KCNJ6: variants seen among roughly 807,000 people sequenced by gnomAD.
KCNJ6 encodes potassium inwardly rectifying channel subfamily J member 6.
In KCNJ6, 9 loss-of-function variants were observed where a neutral mutation model predicts 34.2. That is an observed-to-expected ratio of 0.26 (90% CI 0.16 to 0.46). The LOEUF (loss-of-function observed/expected upper bound fraction) is 0.46. KCNJ6 is among the 20% of genes least tolerant of loss of function. The pLI is 1.00. For missense variants in KCNJ6, 236 were observed against 531.3 expected (o/e 0.44, Z 5.46); for synonymous variants, 196 against 207.1 (o/e 0.95, Z 0.46).
intron 2 of KCNJ6, among the ~76,000 whole-genome samples, chr21:37,773,561 G>A (rs187358188): frequency 6.6e-6 from 1 of 152,164 alleles, no homozygotes; most frequent in East Asian, 1.9e-4. Context: ...CCATGTTAAA[G>A]TGGGTCTTTT....
intron 2 of KCNJ6, chr21:37,716,963 G>C (rs572727506): frequency 6.5e-6 from 1 of 154,434 alleles, no homozygotes; most frequent in Middle Eastern, 5.2e-4. Flanking sequence ...CTTGGTTAAA[G>C]GACAAATGTC....
chr21:37,628,355 G>A (rs1455040398), intron 3 of KCNJ6, among the ~76,000 whole-genome samples: 3 of 152,066 alleles, frequency 2.0e-5, no homozygotes, highest in African/African-American at 7.2e-5. Flanking sequence ...TAAGTTACAT[G>A]TAAAATCCCA....
At position 37,756,416 on chromosome 21, in the gene KCNJ6, GA is replaced by G. The variant is rs2055025105; in HGVS notation, c.26-41286del. 3.9e-5 allele frequency among the ~76,000 whole-genome samples: 6 copies of G among 152,348 alleles called. No individual in the cohort carries two copies. The South Asian group carries it at 1.2e-3, about 32-fold the overall frequency. ...GAGCAGGGCTGGCGTGGGGGCCTGG[GA>G]GAAGGCAGGGGACGTGCGTGGAAAC... On this transcript the variant is annotated intron_variant, in intron 2 of 3. Transcript: ENST00000609713.
At chr21:37,870,256 A>C (rs998554709) in intron 1 of KCNJ6, among the ~76,000 whole-genome samples, 2 of 127,022 alleles carry the variant, frequency 1.6e-5, no homozygotes, top group African/African-American at 5.9e-5. Flanking sequence ...GGCCTGCTGA[A>C]AACAGATAGG....
At chr21:37,840,609 A>G in intron 2 of KCNJ6, 49 bp downstream of exon 2, 1 of 1,365,120 alleles carries the variant, frequency 7.3e-7, no homozygotes, top group Non-Finnish European at 1.0e-6. Context: ...GCGATTTTGC[A>G]TTTTCCCATT....
intron 2 of KCNJ6, among the ~76,000 whole-genome samples, chr21:37,723,224 G>C (rs2054835917): frequency 6.6e-6 from 1 of 152,192 alleles, no homozygotes; most frequent in South Asian, 2.1e-4. Flanking sequence ...GCCGCAGTGA[G>C]ATACCTTCTC....
intron 2 of KCNJ6, among the ~76,000 whole-genome samples, chr21:37,796,124 G>C (rs2055240474): frequency 6.6e-6 from 1 of 152,156 alleles, no homozygotes; most frequent in Non-Finnish European, 1.5e-5. Flanking sequence ...GTTTACATTT[G>C]CCGTAGCCCG....
At chr21:37,797,239 T>C (rs1011593904) in intron 2 of KCNJ6, among the ~76,000 whole-genome samples, 4 of 152,058 alleles carry the variant, frequency 2.6e-5, no homozygotes, top group African/African-American at 7.2e-5. Flanking sequence ...TTAGTAGAGA[T>C]GGGGTTTTGC....
At chr21:37,704,772 T>C (rs1430234741) in intron 3 of KCNJ6, among the ~76,000 whole-genome samples, 4 of 152,174 alleles carry the variant, frequency 2.6e-5, no homozygotes, top group Non-Finnish European at 5.9e-5. Flanking sequence ...TATATCTTTT[T>C]ATTATAGTGC....
At position 37,849,302 on chromosome 21, in the gene KCNJ6, T is replaced by G. The variant is rs1344375686; in HGVS notation, c.-27-8593A>C. ...TCATGACTCTCAATCTATGGCCTCT[T>G]TTGTGGTTCAGCGTCTCTCTGGGGG... is the stretch of plus-strand genomic sequence containing the variant. On this transcript the variant is annotated intron_variant, in intron 1 of 3. Transcript: ENST00000609713. Among the ~76,000 whole-genome samples, 3 of 152,152 alleles carry G rather than the reference T, an allele frequency of 2.0e-5. No individual in the cohort carries two copies. The East Asian group carries it at 5.8e-4, about 29-fold the overall frequency.
intron 1 of KCNJ6, among the ~76,000 whole-genome samples, chr21:37,855,119 T>C (rs2055558157): frequency 6.6e-6 from 1 of 152,164 alleles, no homozygotes; most frequent in Non-Finnish European, 1.5e-5. Flanking sequence ...ATTGAAATCA[T>C]ACCGAGTATG....
chr21:37,898,978 T>C (rs2123643014), intron 1 of KCNJ6, among the ~76,000 whole-genome samples: 1 of 152,364 alleles, frequency 6.6e-6, no homozygotes, highest in Non-Finnish European at 1.5e-5. Context: ...AATATCCTGC[T>C]TTAACAAGAA....
intron 1 of KCNJ6, among the ~76,000 whole-genome samples, chr21:37,848,814 G>A (rs1482463378): frequency 6.6e-6 from 1 of 152,128 alleles, no homozygotes; most frequent in Non-Finnish European, 1.5e-5. Context: ...GAAAACAGTT[G>A]GACCACATGG....
intron 1 of KCNJ6, among the ~76,000 whole-genome samples, chr21:37,842,753 AGT>A (rs991861064): frequency 2.6e-5 from 4 of 152,184 alleles, no homozygotes; most frequent in African/African-American, 9.7e-5. Flanking sequence ...GGTTCATGTG[AGT>A]GTGCACAGCG....
At chr21:37,747,638 A>C (rs1391621262) in intron 2 of KCNJ6, among the ~76,000 whole-genome samples, 1 of 152,054 alleles carries the variant, frequency 6.6e-6, no homozygotes, top group Non-Finnish European at 1.5e-5. Flanking sequence ...GGGAGGCAGG[A>C]GAGGGAGAAC....
chr21:37,807,996 C>G (rs1297062908), intron 2 of KCNJ6, among the ~76,000 whole-genome samples: 1 of 152,184 alleles, frequency 6.6e-6, no homozygotes, highest in Non-Finnish European at 1.5e-5. Flanking sequence ...AGGATATGTC[C>G]TGGGTGCTAC....
intron 2 of KCNJ6, among the ~76,000 whole-genome samples, chr21:37,795,578 C>G (rs2055237241): frequency 6.6e-6 from 1 of 151,996 alleles, no homozygotes; most frequent in East Asian, 1.9e-4. Context: ...AAACCCGTCT[C>G]TACTAAAAAT....
At position 37,682,100 on chromosome 21, in the gene KCNJ6, T is replaced by C. The variant is rs955551686; in HGVS notation, c.946+32111A>G. On this transcript the variant is annotated intron_variant, in intron 3 of 3. Coordinates refer to ENST00000609713, the MANE Select transcript of KCNJ6 (RefSeq NM_002240.5). Reference sequence around the variant, plus strand: ...CAGGTAGACAATAGAAGGGGAGGGGTGGCTCGCAAGGATGGTGGATTAGTT... The same window carrying C: ...CAGGTAGACAATAGAAGGGGAGGGGCGGCTCGCAAGGATGGTGGATTAGTT... Among the ~76,000 whole-genome samples the C allele has an allele frequency of 3.3e-5, 5 of 152,100 alleles. 1 individual carries two copies. The highest frequency in any genetic ancestry group is 1.3e-4 in the Admixed American group (2 of 15,274).
At chr21:37,858,782 G>T (rs1035016454) in intron 1 of KCNJ6, among the ~76,000 whole-genome samples, 1 of 151,980 alleles carries the variant, frequency 6.6e-6, no homozygotes, top group East Asian at 1.9e-4. Context: ...GGTTTTTTTT[G>T]AAGATATCAT....
Sources: gnomAD v4.1 joint callset for allele counts (sites outside exome capture counted in the v4.1 genomes callset) on GRCh38, gnomAD v4.1.1 for gene constraint, MANE v1.5 for transcripts, NCBI Gene and HGNC (gene_info 2026-07-23, HGNC 2026-07-21) for gene names.